NR3C2: variants seen among roughly 807,000 people sequenced by gnomAD.
NR3C2 encodes mineralocorticoid receptor.
Under a neutral mutation model 86.4 loss-of-function variants are expected in NR3C2, and 15 were observed. The ratio of observed to expected loss-of-function variants is 0.17; its 90% CI spans 0.12 to 0.27. The LOEUF is 0.27. Among genes scored for constraint, NR3C2 ranks in the 10% least tolerant of loss-of-function variants. The pLI is 1.00. For synonymous variants in NR3C2, 458 were observed against 450.5 expected, an observed-to-expected ratio of 1.02 and a Z score of -0.21; for missense variants, 960 against 1,195.6, an observed-to-expected ratio of 0.80 and a Z score of 2.91.
At chr4:148,245,069 G>A (rs61758919) in intron 3 of NR3C2, among the ~76,000 whole-genome samples, 9 of 152,170 alleles carry the variant, frequency 5.9e-5, no homozygotes, top group Admixed American at 2.6e-4. Flanking sequence ...TGGAGGAGCC[G>A]GGTAGTGTTG....
chr4:148,315,549 T>C (rs1469357333), intron 2 of NR3C2, among the ~76,000 whole-genome samples: 4 of 152,244 alleles, frequency 2.6e-5, no homozygotes, highest in Admixed American at 6.5e-5. Flanking sequence ...TTTGCATTCA[T>C]GTAACTCTGC....
chr4:148,351,798 A>T (rs1415638698), intron 2 of NR3C2, among the ~76,000 whole-genome samples: 1 of 152,188 alleles, frequency 6.6e-6, no homozygotes, highest in African/African-American at 2.4e-5. Flanking sequence ...CAGTCATAAA[A>T]GGGTGATAAA....
chr4:148,156,119 G>A (rs1237999566), intron 4 of NR3C2, among the ~76,000 whole-genome samples: 3 of 152,088 alleles, frequency 2.0e-5, no homozygotes, highest in Non-Finnish European at 4.4e-5. Flanking sequence ...ATTCAAGATT[G>A]ATTAAAGACT....
intron 2 of NR3C2, among the ~76,000 whole-genome samples, chr4:148,293,683 T>A (rs375759650): frequency 2.7e-4 from 41 of 152,208 alleles, no homozygotes; most frequent in Admixed American, 2.0e-4. Flanking sequence ...GCCTACTGAC[T>A]TAATAAATTT....
chr4:148,334,441 G>C (rs1205731559), intron 2 of NR3C2, among the ~76,000 whole-genome samples: 1 of 152,174 alleles, frequency 6.6e-6, no homozygotes, highest in East Asian at 1.9e-4. Context: ...TACTCACAAG[G>C]CTGAGGCAGG....
intron 3 of NR3C2, among the ~76,000 whole-genome samples, chr4:148,239,554 T>C (rs1320176109): frequency 6.6e-6 from 1 of 152,256 alleles, no homozygotes. Flanking sequence ...GTTTCTAAAA[T>C]GTGAAGAGAA....
chr4:148,180,375 G>T (rs1295771040), intron 4 of NR3C2, among the ~76,000 whole-genome samples: 3 of 147,166 alleles, frequency 2.0e-5, no homozygotes, highest in African/African-American at 7.3e-5. Flanking sequence ...TGCACAGCAG[G>T]TAACTTACTG....
intron 2 of NR3C2, among the ~76,000 whole-genome samples, chr4:148,394,492 CAACAT>C (rs1221817612): frequency 1.4e-4 from 20 of 144,250 alleles, no homozygotes. Context: ...CCAGCCTGGG[CAACAT>C]AACATAACCC....
At chr4:148,353,372 A>G (rs1745392748) in intron 2 of NR3C2, among the ~76,000 whole-genome samples, 1 of 152,082 alleles carries the variant, frequency 6.6e-6, no homozygotes, top group East Asian at 1.9e-4. Context: ...TATCAAAACC[A>G]TCATAAGAAA....
intron 8 of NR3C2, among the ~76,000 whole-genome samples, chr4:148,103,251 C>A (rs1470435201): frequency 6.6e-6 from 1 of 152,228 alleles, no homozygotes; most frequent in Non-Finnish European, 1.5e-5. Flanking sequence ...TATCACACCA[C>A]CTTTCATGCC....
chr4:148,192,057 A>G (rs1236577503), intron 4 of NR3C2, among the ~76,000 whole-genome samples: 2 of 152,092 alleles, frequency 1.3e-5, no homozygotes, highest in Non-Finnish European at 2.9e-5. Flanking sequence ...GGTGTTGAAG[A>G]GCCTTGTTTT....
intron 3 of NR3C2, among the ~76,000 whole-genome samples, chr4:148,228,280 T>TACACACACAC (rs61297657): frequency 6.6e-6 from 1 of 151,276 alleles, no homozygotes; most frequent in Non-Finnish European, 1.5e-5. Flanking sequence ...GCATTATTTA[T>TACACACACAC]ACACACACAC....
intron 8 of NR3C2, among the ~76,000 whole-genome samples, chr4:148,087,798 C>T (rs879567178): frequency 6.6e-6 from 1 of 152,166 alleles, no homozygotes; most frequent in African/African-American, 2.4e-5. Flanking sequence ...CCATTCAGGA[C>T]GTAGGCATGG....
intron 4 of NR3C2, among the ~76,000 whole-genome samples, chr4:148,193,427 A>C (rs1368855371): frequency 6.6e-6 from 1 of 152,172 alleles, no homozygotes; most frequent in Admixed American, 6.5e-5. Flanking sequence ...TCTGGAGCTA[A>C]AATTCACAAT....
intron 6 of NR3C2, among the ~76,000 whole-genome samples, chr4:148,144,604 G>A (rs577423206): frequency 1.3e-5 from 2 of 152,266 alleles, no homozygotes; most frequent in East Asian, 1.9e-4. Flanking sequence ...AAATAATTCT[G>A]GTTTTGGGGA....
At chr4:148,280,155 T>G (rs764014637) in intron 2 of NR3C2, among the ~76,000 whole-genome samples, 3 of 152,210 alleles carry the variant, frequency 2.0e-5, no homozygotes, top group Non-Finnish European at 2.9e-5. Flanking sequence ...AAAATTTCAC[T>G]GAGCTCCTAT....
At chr4:148,133,328 A>C (rs1733120953) in intron 6 of NR3C2, among the ~76,000 whole-genome samples, 1 of 152,174 alleles carries the variant, frequency 6.6e-6, no homozygotes, top group African/African-American at 2.4e-5. Flanking sequence ...CAGATGGTTA[A>C]ACAGAAGACA....
chr4:148,311,912 T>C (rs1310054781), intron 2 of NR3C2, among the ~76,000 whole-genome samples: 1 of 152,212 alleles, frequency 6.6e-6, no homozygotes, highest in African/African-American at 2.4e-5. Context: ...AACTATCTCC[T>C]TTACAATCTT....
chr4:148,122,976 C>T (rs1030384482), intron 6 of NR3C2, among the ~76,000 whole-genome samples: 9 of 151,790 alleles, frequency 5.9e-5, no homozygotes, highest in Non-Finnish European at 1.0e-4. Flanking sequence ...CGGCGTCGGG[C>T]AAAAAAAGCC....
Sources: gnomAD v4.1 joint callset for allele counts (sites outside exome capture counted in the v4.1 genomes callset) on GRCh38, gnomAD v4.1.1 for gene constraint, MANE v1.5 for transcripts, NCBI Gene and HGNC (gene_info 2026-07-23, HGNC 2026-07-21) for gene names.